PKD2: variants seen among roughly 807,000 people sequenced by gnomAD.
PKD2 encodes the protein polycystin-2.
Under a neutral mutation model 105.9 loss-of-function variants are expected in PKD2, and 48 were observed. The observed-to-expected ratio is 0.45, with a 90% CI of 0.36 to 0.58. The LOEUF (loss-of-function observed/expected upper bound fraction) is 0.58, where lower values mean the gene tolerates loss of function less well. Ranked by LOEUF, PKD2 falls within the 20% of genes least tolerant of loss-of-function variation. PKD2 has a pLI of 0.00. For missense variants in PKD2, 1,078 were observed against 1,255.3 expected, an observed-to-expected ratio of 0.86 and a Z score of 2.13; for synonymous variants, 464 against 481.1, an observed-to-expected ratio of 0.96 and a Z score of 0.46.
chr4:88,054,779 C>T (rs1465660992), intron 7 of PKD2, among the ~76,000 whole-genome samples: 3 of 151,516 alleles, frequency 2.0e-5, no homozygotes, highest in African/African-American at 4.9e-5. Flanking sequence ...CTCAGCCTCC[C>T]GAGTAGCTGG....
intron 1 of PKD2, among the ~76,000 whole-genome samples, chr4:88,014,716 G>A (rs755095699): frequency 6.6e-6 from 1 of 152,162 alleles, no homozygotes; most frequent in Non-Finnish European, 1.5e-5. Context: ...TGAGAATTTG[G>A]TCAGGCTATC....
chr4:88,029,591 T>G (rs1727075586), intron 2 of PKD2, among the ~76,000 whole-genome samples: 1 of 152,224 alleles, frequency 6.6e-6, no homozygotes, highest in Admixed American at 6.5e-5. Context: ...TAATCTGTCT[T>G]CTTTCCTATA....
In PKD2 at chr4:88,007,886, C is replaced by T; in HGVS notation, c.153C>T (p.Gly51=). 1 of 1,374,640 alleles carries T rather than the reference C, an allele frequency of 7.3e-7. No homozygotes were observed. The highest frequency in any genetic ancestry group is 9.5e-7 in the Non-Finnish European group (1 of 1,056,940). The allele number at this position is 1,374,640 out of a possible 1,614,324, so 85.2% of individuals were successfully genotyped here. Reference sequence around the variant, plus strand: ...CGGGCGGCCTCTGCGAGCAGCGGGGCCTGGAGATCGAGATGCAGCGCATCC... The same window carrying T: ...CGGGCGGCCTCTGCGAGCAGCGGGGTCTGGAGATCGAGATGCAGCGCATCC... ...AAPGGLCEQR[G]LEIEMQRIRQ... is the part of the protein sequence containing the mutation. Residue 51 remains glycine (G), a synonymous_variant, in exon 1 of 15, where the codon GGC becomes GGT. Transcript: ENST00000237596.
At chr4:88,064,750 C>T (rs371097967) in intron 10 of PKD2, among the ~76,000 whole-genome samples, 1 of 151,540 alleles carries the variant, frequency 6.6e-6, no homozygotes, top group Non-Finnish European at 1.5e-5. Flanking sequence ...AATAGCAAGG[C>T]GTGGTGACTC....
chr4:88,070,205 T>G (rs1560629522), intron 13 of PKD2, among the ~76,000 whole-genome samples: 1 of 152,176 alleles, frequency 6.6e-6, no homozygotes, highest in Non-Finnish European at 1.5e-5. Context: ...CAGGTGCTAA[T>G]TTTACTGTGG....
At chr4:88,016,184 C>T (rs1726553628) in intron 1 of PKD2, among the ~76,000 whole-genome samples, 2 of 152,206 alleles carry the variant, frequency 1.3e-5, no homozygotes, top group Non-Finnish European at 2.9e-5. Flanking sequence ...CGGTTCCTAA[C>T]AGGCCATGGA....
chr4:88,075,370 T>C (rs753942694), intron 14 of PKD2, 88 bp from the exon 15 acceptor site: 115 of 981,762 alleles, frequency 1.2e-4, no homozygotes, highest in South Asian at 1.5e-4. Context: ...ATCTCCAGCC[T>C]TACCAAACTA....
At chr4:88,075,428 C>A in intron 14 of PKD2, 30 bp from the exon 15 acceptor site, 1 of 1,526,606 alleles carries the variant, frequency 6.6e-7, no homozygotes, top group Non-Finnish European at 9.1e-7. Context: ...TTCTACTGCC[C>A]CCAACACCAG....
rs1344388624 is a variant in PKD2 at position 88,019,565 on chromosome 4, T to C, written c.703T>C (p.Cys235Arg). Residue 235 changes from cysteine (C) to arginine (R), a missense_variant, in exon 2 of 15, where the codon TGC becomes CGC. By Grantham distance (180) the Cys-to-Arg change is radical. This residue lies in a region of PKD2 where 868 missense variants were observed against 1,067.3 expected (regional missense o/e 0.81). Transcript: ENST00000237596. Reference sequence around the variant, plus strand: ...ATACCTCCTTTTTCTCATAGTCTTGTGCATCTGTAAGTAGAATATTTCCTT... The same window carrying C: ...ATACCTCCTTTTTCTCATAGTCTTGCGCATCTGTAAGTAGAATATTTCCTT... ...VTYLLFLIVLCILTYGMMSSN... is the reference protein window; with the variant it reads ...VTYLLFLIVLRILTYGMMSSN... 6.7e-7 allele frequency: 1 copy of C among 1,487,380 alleles called. No individual in the cohort carries two copies. 92.1% of individuals were successfully genotyped at this position (1,487,380 alleles called of 1,614,324 possible). A position where few individuals can be genotyped will look rare whatever the true frequency, so the allele number is the denominator to read the frequency against.
intron 1 of PKD2, among the ~76,000 whole-genome samples, chr4:88,013,947 ATTTGTC>A (rs1316906387): frequency 6.6e-6 from 1 of 152,124 alleles, no homozygotes; most frequent in Non-Finnish European, 1.5e-5. Context: ...TGATATGATC[ATTTGTC>A]AATCTGAAGA....
At chr4:88,020,683 C>CTT (rs746448717) in intron 2 of PKD2, among the ~76,000 whole-genome samples, 1 of 138,112 alleles carries the variant, frequency 7.2e-6, no homozygotes. Context: ...AAAAGGTTTC[C>CTT]TTTTTTTTTT....
At chr4:88,014,323 T>C (rs941717473) in intron 1 of PKD2, among the ~76,000 whole-genome samples, 1 of 152,074 alleles carries the variant, frequency 6.6e-6, no homozygotes, top group African/African-American at 2.4e-5. Flanking sequence ...CTGTAACATA[T>C]ACTTGTCTGC....
chr4:88,036,677 G>A (rs996049691), intron 3 of PKD2, among the ~76,000 whole-genome samples: 7 of 152,180 alleles, frequency 4.6e-5, no homozygotes, highest in East Asian at 1.9e-4. Flanking sequence ...GTTTAAATGC[G>A]TATGGTCACA....
At position 88,074,921 on chromosome 4, in the gene PKD2, A is replaced by C; in HGVS notation, c.2632A>C (p.Arg878=). The change falls in exon 14 of 15, where the codon AGG becomes CGG. Residue 878 remains arginine (R), a synonymous_variant. Coordinates refer to ENST00000237596, the MANE Select transcript of PKD2 (RefSeq NM_000297.4). ...TATGGAGCGAGCCAAACTGAAGAGGAGGGAGGTGCTGGGAAGGCTGTTGGA... is the reference window on the plus strand; with the variant it reads ...TATGGAGCGAGCCAAACTGAAGAGGCGGGAGGTGCTGGGAAGGCTGTTGGA... ...EIMERAKLKR[R]EVLGRLLDGV... The C allele has an allele frequency of 6.2e-7, 1 of 1,614,146 alleles. No homozygotes were observed. Among genetic ancestry groups the C allele is most frequent in the Non-Finnish European group, 8.5e-7 (1 of 1,179,998 alleles).
chr4:88,052,435 A>G (rs990361153), intron 7 of PKD2, among the ~76,000 whole-genome samples: 13 of 151,966 alleles, frequency 8.6e-5, no homozygotes, highest in African/African-American at 3.1e-4. Context: ...TACCCGGCTA[A>G]TTTTTAAATT....
At chr4:88,073,150 A>C (rs1395854329) in intron 13 of PKD2, among the ~76,000 whole-genome samples, 3 of 151,080 alleles carry the variant, frequency 2.0e-5, no homozygotes, top group Admixed American at 1.3e-4. Context: ...TAGGAGTTCA[A>C]GACCAACCTG....
intron 5 of PKD2, 145 bp downstream of exon 5, chr4:88,043,602 C>A: frequency 1.6e-6 from 1 of 626,510 alleles, no homozygotes; most frequent in Non-Finnish European, 2.8e-6. Flanking sequence ...GGGGTAAAAA[C>A]TGAAGGCTTA....
At chr4:88,008,390 C>A in intron 1 of PKD2, 62 bp downstream of exon 1, 1 of 1,463,886 alleles carries the variant, frequency 6.8e-7, no homozygotes, top group Non-Finnish European at 9.0e-7. Context: ...CCGGCCGGGG[C>A]CATCGCCCGC....
At chr4:88,043,768 G>A (rs1488159981) in intron 5 of PKD2, among the ~76,000 whole-genome samples, 1 of 152,146 alleles carries the variant, frequency 6.6e-6, no homozygotes, top group African/African-American at 2.4e-5. Context: ...TTATAAGGAT[G>A]GTTAGTGCCA....
Sources: allele counts gnomAD v4.1 joint callset (sites outside exome capture counted in the v4.1 genomes callset), GRCh38; gene constraint gnomAD v4.1.1; regional missense constraint gnomAD v4.1.1; transcripts MANE v1.5; gene names NCBI Gene and HGNC (gene_info 2026-07-23, HGNC 2026-07-21).